The following ABTB3 variants were observed in gnomAD, a reference collection of about 807,000 sequenced individuals.
ABTB3 encodes the protein ankyrin repeat- and BTB/POZ domain-containing protein 3.
chr12:107,391,350 C>T, the ABTB3 span, among the ~76,000 whole-genome samples: 1 of 152,100 alleles, frequency 6.6e-6, no homozygotes, highest in Non-Finnish European at 1.5e-5. Context: ...CAGTTGGGAT[C>T]CTAATCATCA....
At chr12:107,398,773 T>C in the ABTB3 span, among the ~76,000 whole-genome samples, 1 of 152,180 alleles carries the variant, frequency 6.6e-6, no homozygotes, top group South Asian at 2.1e-4. Context: ...ACAAGACTTA[T>C]TTAACAGGAA....
chr12:107,345,287 G>GA, the ABTB3 span, among the ~76,000 whole-genome samples: 5 of 152,202 alleles, frequency 3.3e-5, no homozygotes, highest in Non-Finnish European at 7.3e-5. Flanking sequence ...TGATGGGCCT[G>GA]AAAAATGGAT....
chr12:107,598,956 G>T, the ABTB3 span, among the ~76,000 whole-genome samples: 1 of 152,134 alleles, frequency 6.6e-6, no homozygotes, highest in Non-Finnish European at 1.5e-5. Context: ...CTCCTTCCTG[G>T]ATAAGTCTGG....
the ABTB3 span, chr12:107,650,998 C>G: frequency 6.6e-6 from 1 of 151,682 alleles, no homozygotes; most frequent in South Asian, 2.1e-4. Context: ...CCCGGGCCCA[C>G]CCTGCCCTCC....
At chr12:107,385,745 C>A in the ABTB3 span, among the ~76,000 whole-genome samples, 1 of 151,988 alleles carries the variant, frequency 6.6e-6, no homozygotes, top group African/African-American at 2.4e-5. Context: ...GCTACGTGCA[C>A]CCCCCCAAGC....
chr12:107,570,023 C>T, the ABTB3 span, among the ~76,000 whole-genome samples: 1 of 152,130 alleles, frequency 6.6e-6, no homozygotes. Flanking sequence ...CACAAGGAAC[C>T]GCTGCTTAGA....
the ABTB3 span, among the ~76,000 whole-genome samples, chr12:107,487,768 G>A: frequency 1.6e-4 from 24 of 152,242 alleles, 1 homozygote; most frequent in South Asian, 4.4e-3. Flanking sequence ...CAGAAAGACC[G>A]TTGGGAGTCA....
the ABTB3 span, among the ~76,000 whole-genome samples, chr12:107,430,526 C>A: frequency 9.2e-5 from 14 of 152,204 alleles, no homozygotes; most frequent in Non-Finnish European, 1.8e-4. Flanking sequence ...ACCACACCTA[C>A]ATATAATCAT....
chr12:107,648,470 G>C, the ABTB3 span, among the ~76,000 whole-genome samples: 1 of 151,440 alleles, frequency 6.6e-6, no homozygotes, highest in Non-Finnish European at 1.5e-5. Flanking sequence ...TTAACACCCA[G>C]TTGTCCTAGG....
chr12:107,416,683 C>T, the ABTB3 span, among the ~76,000 whole-genome samples: 5 of 152,138 alleles, frequency 3.3e-5, no homozygotes, highest in African/African-American at 1.2e-4. Context: ...TTTTAAGAGA[C>T]AGGTTCTCAC....
chr12:107,427,891 A>G, the ABTB3 span, among the ~76,000 whole-genome samples: 2 of 152,206 alleles, frequency 1.3e-5, no homozygotes, highest in African/African-American at 4.8e-5. Flanking sequence ...CTGGATGCTG[A>G]CCACGTCAAA....
chr12:107,550,584 T>C, the ABTB3 span, among the ~76,000 whole-genome samples: 1 of 88,578 alleles, frequency 1.1e-5, no homozygotes, highest in Non-Finnish European at 2.0e-5. Context: ...TCTTTCTTTC[T>C]TTTTTTTTTT....
the ABTB3 span, among the ~76,000 whole-genome samples, chr12:107,477,162 A>C: frequency 6.6e-6 from 1 of 152,154 alleles, no homozygotes; most frequent in Non-Finnish European, 1.5e-5. Context: ...GGAGGATTAC[A>C]TAAGGCCACT....
the ABTB3 span, among the ~76,000 whole-genome samples, chr12:107,584,952 G>C: frequency 2.6e-5 from 4 of 152,178 alleles, no homozygotes; most frequent in South Asian, 4.2e-4. Flanking sequence ...TACAAACCTG[G>C]TGAATTCTCC....
the ABTB3 span, among the ~76,000 whole-genome samples, chr12:107,418,628 CA>C: frequency 6.6e-6 from 1 of 152,194 alleles, no homozygotes; most frequent in East Asian, 1.9e-4. Context: ...ATCGTGAGAA[CA>C]GCAGCATGTT....
At chr12:107,457,103 C>T in the ABTB3 span, among the ~76,000 whole-genome samples, 3 of 152,146 alleles carry the variant, frequency 2.0e-5, no homozygotes, top group Non-Finnish European at 4.4e-5. Context: ...CTCAGTTGAT[C>T]CCCCCGCCTT....
At chr12:107,389,663 C>T in the ABTB3 span, among the ~76,000 whole-genome samples, 9,438 of 151,988 alleles carry the variant, frequency 0.062, 355 homozygotes, top group Middle Eastern at 0.13. Flanking sequence ...CCACAAATTC[C>T]GAGTGTTGAC....
the ABTB3 span, among the ~76,000 whole-genome samples, chr12:107,482,825 C>T: frequency 7.6e-4 from 113 of 147,746 alleles, 1 homozygote; most frequent in African/African-American, 2.6e-3. Flanking sequence ...TTCTTTCTTT[C>T]TTTTTCTTTC....
At chr12:107,468,276 G>GT in the ABTB3 span, among the ~76,000 whole-genome samples, 1 of 152,162 alleles carries the variant, frequency 6.6e-6, no homozygotes, top group Admixed American at 6.5e-5. Flanking sequence ...CGGCTGGGGT[G>GT]TTTATTTTTC....
Sources: allele counts gnomAD v4.1 joint callset (sites outside exome capture counted in the v4.1 genomes callset), GRCh38; gene constraint gnomAD v4.1.1; transcripts MANE v1.5; gene names NCBI Gene and HGNC (gene_info 2026-07-23, HGNC 2026-07-21).